Variants in MKLN1 observed in about 807,000 individuals in gnomAD.
The protein encoded by MKLN1 is muskelin.
MKLN1 carries 18 observed loss-of-function variants against 99.0 expected under a neutral mutation model. That is an observed-to-expected ratio of 0.18 (90% CI 0.13 to 0.27). MKLN1 has a LOEUF of 0.27. Among genes scored for constraint, MKLN1 ranks in the 10% least tolerant of loss-of-function variants. MKLN1 has a pLI of 1.00. For missense variants in MKLN1, 621 were observed against 875.9 expected, an observed-to-expected ratio of 0.71 and a Z score of 3.67; for synonymous variants, 288 against 293.2, an observed-to-expected ratio of 0.98 and a Z score of 0.18.
chr7:131,327,956 G>A lies in MKLN1; in HGVS notation c.57G>A (p.Ala19=). Residue 19 remains alanine (A), a synonymous_variant, in exon 1 of 18, where the codon GCG becomes GCA. Transcript: ENST00000352689. The stretch of plus-strand genomic sequence containing the variant: ...CCGAGTGCCGGCTTCTCCCCTACGC[G>A]CTACACAAGTGGAGCTCCTTTTCCT... The part of the protein sequence containing the change: ...AAPECRLLPY[A]LHKWSSFSST... 2 of 1,613,704 alleles carry A rather than the reference G, an allele frequency of 1.2e-6. No individual in the cohort carries two copies. The highest frequency in any genetic ancestry group is 1.7e-6 in the Non-Finnish European group (2 of 1,179,816).
chr7:131,275,558 TATA>T (rs1395764151), intron 3 of MKLN1, among the ~76,000 whole-genome samples: 7 of 28,150 alleles, frequency 2.5e-4, no homozygotes, highest in Non-Finnish European at 3.8e-4. Context: ...TATATATATA[TATA>T]TATATATTTT....
chr7:131,110,186 G>T (rs897026557), exon 1 of MKLN1: 1 of 168,342 alleles, frequency 5.9e-6, no homozygotes, highest in African/African-American at 2.4e-5. Flanking sequence ...TAGCCCGGGG[G>T]GCCCTCCCCG....
At chr7:131,262,531 T>C (rs977335092) in intron 3 of MKLN1, among the ~76,000 whole-genome samples, 4 of 152,060 alleles carry the variant, frequency 2.6e-5, no homozygotes, top group African/African-American at 9.7e-5. Flanking sequence ...TTCATTTTGT[T>C]ATTATGTTTT....
At chr7:131,451,439 A>G (rs1250740755) in intron 12 of MKLN1, among the ~76,000 whole-genome samples, 1 of 152,132 alleles carries the variant, frequency 6.6e-6, no homozygotes, top group East Asian at 1.9e-4. Flanking sequence ...GATCACCGAG[A>G]TGGTATAGCT....
chr7:131,202,121 G>C (rs1796736198), intron 2 of MKLN1, among the ~76,000 whole-genome samples: 2 of 142,966 alleles, frequency 1.4e-5, no homozygotes, highest in South Asian at 4.4e-4. Flanking sequence ...TCTTTTTCGG[G>C]GTTTCTCCAC....
At chr7:131,292,870 G>C (rs961401024) in intron 3 of MKLN1, among the ~76,000 whole-genome samples, 15 of 152,102 alleles carry the variant, frequency 9.9e-5, no homozygotes, top group Non-Finnish European at 2.1e-4. Context: ...TCCAAACGAG[G>C]GATTTGTTAG....
At chr7:131,348,549 A>G (rs2116754168) in intron 1 of MKLN1, among the ~76,000 whole-genome samples, 1 of 151,942 alleles carries the variant, frequency 6.6e-6, no homozygotes, top group African/African-American at 2.4e-5. Context: ...TTTTAAAGAC[A>G]GGGTCCCACA....
chr7:131,276,620 G>T (rs1797979540), intron 3 of MKLN1, among the ~76,000 whole-genome samples: 2 of 152,170 alleles, frequency 1.3e-5, no homozygotes, highest in Non-Finnish European at 2.9e-5. Flanking sequence ...AATAGTGGCT[G>T]CATCAGTCTG....
chr7:131,467,265 A>C (rs1007526833), intron 15 of MKLN1, among the ~76,000 whole-genome samples: 3 of 152,210 alleles, frequency 2.0e-5, no homozygotes, highest in African/African-American at 7.2e-5. Context: ...TCATATATAC[A>C]TACGTATCAA....
intron 12 of MKLN1, among the ~76,000 whole-genome samples, chr7:131,449,795 C>T (rs1796126286): frequency 6.6e-6 from 1 of 152,094 alleles, no homozygotes. Flanking sequence ...AACCACTGTT[C>T]TAGCTCTCCG....
In MKLN1 at chr7:131,218,490, A is replaced by G. The variant is rs184586690; in HGVS notation, c.-179+15516A>G. Among the ~76,000 whole-genome samples the G allele has an allele frequency of 2.3e-3, 358 of 152,342 alleles. 6 individuals are homozygous for G. Among genetic ancestry groups the G allele is most frequent in the East Asian group, 5.8e-4 (3 of 5,188 alleles). ...ATCGTCTTTGTTTTGAAGTTAAACT[A>G]TGAACTAAATTCCTCCCATAATTAG... On this transcript the variant is annotated intron_variant, in intron 3 of 7. Transcript: ENST00000416992.
At chr7:131,192,836 G>A (rs184444940) in intron 2 of MKLN1, among the ~76,000 whole-genome samples, 4 of 152,032 alleles carry the variant, frequency 2.6e-5, no homozygotes, top group South Asian at 2.1e-4. Flanking sequence ...CACTGTGCCC[G>A]GCCTGCTGTG....
rs1797825923 is a variant in MKLN1, at chr7:131,267,548, G to A, written c.-179+64574G>A. Among the ~76,000 whole-genome samples, 3 of 152,062 alleles carry A rather than the reference G, an allele frequency of 2.0e-5. No homozygotes were observed. The South Asian group carries it at 6.2e-4, about 32-fold the overall frequency. On this transcript the variant is annotated intron_variant, in intron 3 of 7. Coordinates refer to the MKLN1 transcript ENST00000416992. The stretch of plus-strand genomic sequence containing the variant: ...CTATCTAGCATTTACTAGAACTGTG[G>A]TCCCAGGCCCCTGCTAAACTTCATT...
intron 13 of MKLN1, 77 bp downstream of exon 13, chr7:131,463,441 A>G (rs1796573771): frequency 7.1e-7 from 1 of 1,407,816 alleles, no homozygotes; most frequent in Non-Finnish European, 9.8e-7. Flanking sequence ...AAAAGAGAGA[A>G]ATGAGAGTAT....
chr7:131,362,908 T>G (rs1800073156), intron 1 of MKLN1, among the ~76,000 whole-genome samples: 1 of 151,998 alleles, frequency 6.6e-6, no homozygotes, highest in Non-Finnish European at 1.5e-5. Context: ...GCCATACTAT[T>G]TTTGAGCTGT....
chr7:131,397,235 TTTC>T (rs768747978), intron 4 of MKLN1, 29 bp from the exon 5 acceptor site: 21 of 1,364,404 alleles, frequency 1.5e-5, no homozygotes, highest in East Asian at 1.1e-4. Flanking sequence ...TGTTAATATT[TTTC>T]TTCTTCTTTT....
At chr7:131,400,394 A>G (rs1452585167) in intron 6 of MKLN1, among the ~76,000 whole-genome samples, 1 of 151,754 alleles carries the variant, frequency 6.6e-6, no homozygotes, top group Non-Finnish European at 1.5e-5. Context: ...GTTATTGCTT[A>G]CTTGATTGAT....
rs1797515873 is a variant in MKLN1, at chr7:131,494,908, T to C, written c.*7180T>C. Reference sequence around the variant, plus strand: ...CAGATTCCTTTATGCGTACATACTTTATAAATATACATACATACACATACA... The same window carrying C: ...CAGATTCCTTTATGCGTACATACTTCATAAATATACATACATACACATACA... On this transcript the variant is annotated 3_prime_UTR_variant, in exon 18 of 18. Transcript: ENST00000352689. 6.6e-6 allele frequency: 1 copy of C among 151,982 alleles called. No individual in the cohort carries two copies. The highest frequency in any genetic ancestry group is 2.4e-5 in the African/African-American group (1 of 41,450). 9.4% of individuals were successfully genotyped at this position (151,982 alleles called of 1,614,324 possible). A position where few individuals can be genotyped will look rare whatever the true frequency, so the allele number is the denominator to read the frequency against.
intron 2 of MKLN1, among the ~76,000 whole-genome samples, chr7:131,195,506 C>CT (rs913545754): frequency 3.3e-5 from 5 of 149,580 alleles, no homozygotes; most frequent in African/African-American, 1.2e-4. Context: ...GTGAGACTGT[C>CT]TAAAAAAAAA....
Sources: gnomAD v4.1 joint callset for allele counts (sites outside exome capture counted in the v4.1 genomes callset) on GRCh38, gnomAD v4.1.1 for gene constraint, MANE v1.5 for transcripts, NCBI Gene and HGNC (gene_info 2026-07-23, HGNC 2026-07-21) for gene names.